The following ZNF804B variants were observed in gnomAD, a reference collection of about 807,000 sequenced individuals.
ZNF804B encodes the protein zinc finger protein 804B.
ZNF804B carries 80 observed loss-of-function variants against 101.4 expected under a neutral mutation model. That is an observed-to-expected ratio of 0.79 (90% CI 0.66 to 0.95). The LOEUF (loss-of-function observed/expected upper bound fraction) is 0.95. ZNF804B is among the 40% of genes least tolerant of loss of function. ZNF804B has a pLI of 0.00. For synonymous variants in ZNF804B, 622 were observed against 558.8 expected (o/e 1.11, Z -1.59); for missense variants, 1,673 against 1,561.9 (o/e 1.07, Z -1.20).
At chr7:89,040,116 G>A (rs1788993363) in intron 1 of ZNF804B, among the ~76,000 whole-genome samples, 1 of 151,828 alleles carries the variant, frequency 6.6e-6, no homozygotes, top group Non-Finnish European at 1.5e-5. Flanking sequence ...TATAGTGCAT[G>A]CATTGATGCA....
At chr7:88,843,933 A>G (rs1412548260) in intron 1 of ZNF804B, among the ~76,000 whole-genome samples, 3 of 152,098 alleles carry the variant, frequency 2.0e-5, no homozygotes, top group Non-Finnish European at 4.4e-5. Flanking sequence ...GTAAACTTCT[A>G]ATTGTTTATA....
chr7:89,166,311 A>G (rs1332387545), intron 1 of ZNF804B, among the ~76,000 whole-genome samples: 1 of 152,220 alleles, frequency 6.6e-6, no homozygotes, highest in East Asian at 1.9e-4. Flanking sequence ...AAATCCAGGT[A>G]TAATTTTAAA....
At chr7:89,189,960 TC>T (rs1340484220) in intron 1 of ZNF804B, among the ~76,000 whole-genome samples, 6 of 152,208 alleles carry the variant, frequency 3.9e-5, no homozygotes, top group Non-Finnish European at 7.4e-5. Flanking sequence ...GAACACCTTC[TC>T]CAAAGAATTA....
chr7:89,087,024 TAAATA>T (rs927218046), intron 1 of ZNF804B, among the ~76,000 whole-genome samples: 7 of 125,902 alleles, frequency 5.6e-5, no homozygotes, highest in African/African-American at 2.1e-4. Context: ...AAAAAATAAA[TAAATA>T]AAATACATAA....
chr7:89,156,066 T>TTCTTTCTTTCTC lies in ZNF804B; in HGVS notation c.109-62082_109-62081insTTCTCTCTTTCT, dbSNP rs1554371377. Among the ~76,000 whole-genome samples, 328 of 66,470 alleles carry TTCTTTCTTTCTC rather than the reference T, an allele frequency of 4.9e-3. 1 individual carries two copies. The highest frequency in any genetic ancestry group is 0.015 in the African/African-American group (317 of 20,542). The allele number at this position is 66,470 out of a possible 152,430, so 43.6% of individuals were successfully genotyped here. Reference sequence around the variant, plus strand: ...TTTCTTTCTTTCTTTCTTTCTTTCTTTCTTTCTCTCTTTCTCTCTTTCCTT... The same window carrying TTCTTTCTTTCTC: ...TTTCTTTCTTTCTTTCTTTCTTTCTTTCTTTCTTTCTCTCTTTCTCTCTTTCTCTCTTTCCTT... On this transcript the variant is annotated intron_variant, in intron 1 of 3. Transcript: ENST00000333190.
chr7:89,290,871 G>C (rs1320200109), intron 2 of ZNF804B, among the ~76,000 whole-genome samples: 5 of 152,154 alleles, frequency 3.3e-5, no homozygotes, highest in Non-Finnish European at 7.3e-5. Flanking sequence ...GTAAGACCTA[G>C]TAGAGTCCCA....
At chr7:89,326,542 G>T (rs1290348100) in intron 2 of ZNF804B, among the ~76,000 whole-genome samples, 1 of 152,020 alleles carries the variant, frequency 6.6e-6, no homozygotes, top group Non-Finnish European at 1.5e-5. Context: ...TGAGTTAAGA[G>T]GATAATCTTT....
At chr7:89,075,867 A>C (rs1336448192) in intron 1 of ZNF804B, among the ~76,000 whole-genome samples, 2 of 152,188 alleles carry the variant, frequency 1.3e-5, no homozygotes, top group Non-Finnish European at 2.9e-5. Context: ...TTGGATCAGC[A>C]TGACCTGATG....
Position 89,278,274 on chromosome 7 carries a change from T to C in ZNF804B, c.250-49070T>C, listed in dbSNP as rs1447052420. ...AACCCTTTGTCAGATGAGTAGGTTGTGAAAAATTTCTCCCATTTTGTAGGT... is the reference window on the plus strand; with the variant it reads ...AACCCTTTGTCAGATGAGTAGGTTGCGAAAAATTTCTCCCATTTTGTAGGT... On this transcript the variant is annotated intron_variant, in intron 2 of 3. Coordinates refer to ENST00000333190, the MANE Select transcript of ZNF804B (RefSeq NM_181646.5). Among the ~76,000 whole-genome samples the C allele has an allele frequency of 4.6e-5, 7 of 152,128 alleles. No homozygotes were observed. The East Asian group carries it at 1.2e-3, about 25-fold the overall frequency.
intron 1 of ZNF804B, among the ~76,000 whole-genome samples, chr7:89,042,336 G>C (rs531973469): frequency 6.6e-6 from 1 of 152,270 alleles, no homozygotes; most frequent in Non-Finnish European, 1.5e-5. Context: ...CACTTTGGGA[G>C]ATGAAAGAAA....
intron 1 of ZNF804B, among the ~76,000 whole-genome samples, chr7:89,184,142 T>A (rs17167334): frequency 6.6e-6 from 1 of 152,142 alleles, no homozygotes; most frequent in Admixed American, 6.6e-5. Context: ...TACTTGAGCA[T>A]TGACACTGTG....
At chr7:89,197,116 G>A (rs1045893420) in intron 1 of ZNF804B, among the ~76,000 whole-genome samples, 1 of 151,918 alleles carries the variant, frequency 6.6e-6, no homozygotes, top group Non-Finnish European at 1.5e-5. Flanking sequence ...TTAATACCTA[G>A]GTGATGGGAT....
intron 1 of ZNF804B, among the ~76,000 whole-genome samples, chr7:88,884,087 A>G (rs1035914782): frequency 2.0e-5 from 3 of 150,912 alleles, no homozygotes; most frequent in Admixed American, 6.6e-5. Context: ...AGCTACTTCA[A>G]CTCTTCCCTT....
intron 1 of ZNF804B, among the ~76,000 whole-genome samples, chr7:88,800,819 T>C (rs1458812327): frequency 6.6e-6 from 1 of 151,850 alleles, no homozygotes; most frequent in Non-Finnish European, 1.5e-5. Flanking sequence ...CTGTTCTGGC[T>C]AAAGCACTAG....
chr7:88,993,403 A>G (rs1246758482), intron 1 of ZNF804B, among the ~76,000 whole-genome samples: 1 of 152,052 alleles, frequency 6.6e-6, no homozygotes, highest in Admixed American at 6.6e-5. Flanking sequence ...ATAAGACTAC[A>G]TTGACATTTG....
intron 1 of ZNF804B, among the ~76,000 whole-genome samples, chr7:89,056,494 G>T (rs1175477946): frequency 1.3e-5 from 2 of 152,074 alleles, no homozygotes; most frequent in East Asian, 3.9e-4. Flanking sequence ...GTAAGGTCAG[G>T]GGAAGACCTG....
chr7:88,998,716 A>C (rs896279743), intron 1 of ZNF804B, among the ~76,000 whole-genome samples: 1 of 152,010 alleles, frequency 6.6e-6, no homozygotes, highest in Non-Finnish European at 1.5e-5. Context: ...GAAACATAAA[A>C]TGTTAAGAGA....
chr7:88,826,456 T>C (rs1204689038), intron 1 of ZNF804B, among the ~76,000 whole-genome samples: 10 of 152,148 alleles, frequency 6.6e-5, no homozygotes, highest in Non-Finnish European at 4.4e-5. Flanking sequence ...TCATTTATTG[T>C]ATACAGTGAG....
rs140510014 is a variant in ZNF804B, at chr7:89,172,414, G to A, written c.109-45741G>A. Among the ~76,000 whole-genome samples, 10 of 152,238 alleles carry A rather than the reference G, an allele frequency of 6.6e-5. No individual in the cohort carries two copies. The East Asian group carries it at 1.7e-3, about 26-fold the overall frequency. On this transcript the variant is annotated intron_variant, in intron 1 of 3. Transcript: ENST00000333190. ...AGCAATTCAGTTAAGCAAAAATGTTGAGAGTGATTGTGGCTATGTCGGTCA... is the reference window on the plus strand; with the variant it reads ...AGCAATTCAGTTAAGCAAAAATGTTAAGAGTGATTGTGGCTATGTCGGTCA...
Sources: allele counts gnomAD v4.1 joint callset (sites outside exome capture counted in the v4.1 genomes callset), GRCh38; gene constraint gnomAD v4.1.1; transcripts MANE v1.5; gene names NCBI Gene and HGNC (gene_info 2026-07-23, HGNC 2026-07-21).